ANKS1B: variants seen among roughly 807,000 people sequenced by gnomAD.
ANKS1B encodes ankyrin repeat and sterile alpha motif domain containing 1B.
A neutral mutation model predicts 148.3 loss-of-function variants in ANKS1B; 36 were observed. The ratio of observed to expected loss-of-function variants is 0.24; its 90% CI spans 0.19 to 0.32. The LOEUF (loss-of-function observed/expected upper bound fraction) is 0.32, where lower values mean the gene tolerates loss of function less well. Among genes scored for constraint, ANKS1B ranks in the 10% least tolerant of loss-of-function variants. The pLI, the probability that ANKS1B is intolerant of heterozygous loss-of-function variation, is 1.00. For synonymous variants in ANKS1B, 542 were observed against 560.8 expected, an observed-to-expected ratio of 0.97 and a Z score of 0.47; for missense variants, 1,157 against 1,542.6, an observed-to-expected ratio of 0.75 and a Z score of 4.19.
At chr12:98,957,537 G>A (rs559461400) in intron 17 of ANKS1B, among the ~76,000 whole-genome samples, 12 of 151,768 alleles carry the variant, frequency 7.9e-5, no homozygotes, top group Non-Finnish European at 1.3e-4. Flanking sequence ...TAGTAGAGAC[G>A]GGTTTTCACC....
At position 98,800,068 on chromosome 12, in the gene ANKS1B, G is replaced by C. The variant is rs547868799; in HGVS notation, c.3270+929C>G. ...CAGCAGAAGGCGTGGTCAGGGCCTT[G>C]GAGAAAGGCATGTTCAGAAAGGCTT... On this transcript the variant is annotated intron_variant, in intron 21 of 26. Coordinates refer to ENST00000683438, the MANE Select transcript of ANKS1B (RefSeq NM_001352186.2). 1.4e-4 allele frequency among the ~76,000 whole-genome samples: 21 copies of C among 152,168 alleles called. 1 individual carries two copies. The South Asian group carries it at 4.4e-3, about 32-fold the overall frequency.
At chr12:99,571,030 A>G (rs993986113) in intron 9 of ANKS1B, among the ~76,000 whole-genome samples, 8 of 152,138 alleles carry the variant, frequency 5.3e-5, no homozygotes, top group Non-Finnish European at 8.8e-5. Flanking sequence ...TTCAAACTAA[A>G]TTTTTATGTT....
intron 12 of ANKS1B, among the ~76,000 whole-genome samples, chr12:99,330,911 T>A (rs1437629456): frequency 6.6e-6 from 1 of 151,932 alleles, no homozygotes; most frequent in African/African-American, 2.4e-5. Flanking sequence ...TAATACTTAG[T>A]GTACTAGGTT....
At chr12:99,486,609 A>T (rs2096493133) in intron 10 of ANKS1B, among the ~76,000 whole-genome samples, 1 of 152,104 alleles carries the variant, frequency 6.6e-6, no homozygotes. Flanking sequence ...TGCAATACCC[A>T]ATGGTGGGTA....
intron 14 of ANKS1B, among the ~76,000 whole-genome samples, chr12:99,185,035 T>C (rs1029596404): frequency 1.3e-5 from 2 of 152,234 alleles, no homozygotes; most frequent in African/African-American, 4.8e-5. Context: ...AACTATCACA[T>C]AGCAGAGAAG....
chr12:99,408,778 G>A (rs2094592576), intron 11 of ANKS1B, among the ~76,000 whole-genome samples: 1 of 146,052 alleles, frequency 6.8e-6, no homozygotes, highest in East Asian at 1.9e-4. Flanking sequence ...TATGAGAAAT[G>A]CAAATTACAA....
intron 15 of ANKS1B, among the ~76,000 whole-genome samples, chr12:99,132,452 A>G (rs1490369148): frequency 6.6e-6 from 1 of 151,664 alleles, no homozygotes; most frequent in African/African-American, 2.4e-5. Flanking sequence ...ACCGGCTTAG[A>G]CAACATAGCG....
At chr12:99,025,193 C>T (rs1221947825) in intron 17 of ANKS1B, among the ~76,000 whole-genome samples, 1 of 152,174 alleles carries the variant, frequency 6.6e-6, no homozygotes, top group Non-Finnish European at 1.5e-5. Context: ...CATACATTTT[C>T]TCTTCATCTG....
At chr12:99,900,026 G>C (rs2153766603) in intron 1 of ANKS1B, among the ~76,000 whole-genome samples, 1 of 151,854 alleles carries the variant, frequency 6.6e-6, no homozygotes, top group South Asian at 2.1e-4. Context: ...AGCCTCCCAA[G>C]TAGCTGGGAC....
At chr12:99,198,590 A>G (rs777671604) in intron 14 of ANKS1B, among the ~76,000 whole-genome samples, 10 of 152,216 alleles carry the variant, frequency 6.6e-5, no homozygotes, top group Non-Finnish European at 1.2e-4. Context: ...CTGAACTGAT[A>G]AATTTGGGAG....
intron 17 of ANKS1B, chr12:98,894,855 C>A (rs1224474688): frequency 4.1e-6 from 4 of 980,520 alleles, no homozygotes; most frequent in Non-Finnish European, 4.8e-6. Context: ...GAGCGCCGGG[C>A]TCTCCCCGCG....
intron 11 of ANKS1B, among the ~76,000 whole-genome samples, chr12:99,420,115 TACTC>T (rs1395048943): frequency 6.6e-6 from 1 of 152,174 alleles, no homozygotes; most frequent in African/African-American, 2.4e-5. Context: ...GTGTCAAAGA[TACTC>T]AGTAACTATT....
At chr12:99,769,363 T>C (rs2062980153) in intron 8 of ANKS1B, among the ~76,000 whole-genome samples, 1 of 152,166 alleles carries the variant, frequency 6.6e-6, no homozygotes, top group Non-Finnish European at 1.5e-5. Flanking sequence ...TCTGAGGGCA[T>C]CAGTATTTAT....
chr12:99,555,944 T>G (rs1410672200), intron 9 of ANKS1B, among the ~76,000 whole-genome samples: 1 of 152,212 alleles, frequency 6.6e-6, no homozygotes, highest in Non-Finnish European at 1.5e-5. Context: ...GATGCTGGAC[T>G]CACAGAATGA....
chr12:98,873,661 G>A lies in ANKS1B; in HGVS notation c.2779-41525C>T, dbSNP rs114308213. ...GAGAGGAGGAATCAAAGGGGCAACTGCTCTGAAACCGGCCCTAGAGCATCC... is the reference window on the plus strand; with the variant it reads ...GAGAGGAGGAATCAAAGGGGCAACTACTCTGAAACCGGCCCTAGAGCATCC... On this transcript the variant is annotated intron_variant, in intron 17 of 26. Transcript: ENST00000683438. Among the ~76,000 whole-genome samples the A allele has an allele frequency of 3.7e-3, 560 of 152,254 alleles. 7 individuals carry two copies. Among genetic ancestry groups the A allele is most frequent in the African/African-American group, 0.013 (527 of 41,536 alleles).
chr12:99,893,917 C>T (rs1396760134), intron 1 of ANKS1B, among the ~76,000 whole-genome samples: 4 of 152,030 alleles, frequency 2.6e-5, no homozygotes, highest in Non-Finnish European at 5.9e-5. Flanking sequence ...GATCTCATGT[C>T]TTCGCTCCTG....
intron 15 of ANKS1B, among the ~76,000 whole-genome samples, chr12:99,104,233 A>G (rs2058648156): frequency 6.6e-6 from 1 of 152,214 alleles, no homozygotes; most frequent in Non-Finnish European, 1.5e-5. Context: ...CAAGTTGGTT[A>G]CAGATGAGAT....
At chr12:99,388,240 T>C (rs1484870477) in intron 12 of ANKS1B, among the ~76,000 whole-genome samples, 1 of 152,202 alleles carries the variant, frequency 6.6e-6, no homozygotes, top group Non-Finnish European at 1.5e-5. Context: ...GTCTGGATGA[T>C]CCCTAATATA....
intron 17 of ANKS1B, among the ~76,000 whole-genome samples, chr12:98,888,077 T>C (rs1451619406): frequency 6.6e-6 from 1 of 152,244 alleles, no homozygotes; most frequent in Non-Finnish European, 1.5e-5. Context: ...TTCTGGGCAG[T>C]GGTATTTGGG....
Sources: allele counts gnomAD v4.1 joint callset (sites outside exome capture counted in the v4.1 genomes callset), GRCh38; gene constraint gnomAD v4.1.1; transcripts MANE v1.5; gene names NCBI Gene and HGNC (gene_info 2026-07-23, HGNC 2026-07-21).